Variants in ARMC2 observed in about 807,000 individuals in gnomAD.
ARMC2 encodes armadillo repeat-containing protein 2.
A neutral mutation model predicts 90.3 loss-of-function variants in ARMC2; 67 were observed. The observed-to-expected ratio is 0.74, with a 90% CI of 0.61 to 0.91. The LOEUF is 0.91. Ranked by LOEUF, ARMC2 falls within the 40% of genes least tolerant of loss-of-function variation. ARMC2 has a pLI of 0.00. For missense variants in ARMC2, 920 were observed against 1,030.9 expected (o/e 0.89, Z 1.47); for synonymous variants, 393 against 393.0 (o/e 1.00, Z 0.00).
At chr6:108,872,686 G>A (rs930814466) in intron 4 of ARMC2, among the ~76,000 whole-genome samples, 1 of 152,178 alleles carries the variant, frequency 6.6e-6, no homozygotes, top group Non-Finnish European at 1.5e-5. Flanking sequence ...TTTTCTGTGT[G>A]TTCCATAAAG....
chr6:109,007,394 A>G, the ARMC2 span, among the ~76,000 whole-genome samples: 7 of 152,234 alleles, frequency 4.6e-5, no homozygotes, highest in Middle Eastern at 3.2e-3. Flanking sequence ...GGCTTACAGT[A>G]TCTACCCACC....
At chr6:108,938,680 G>T (rs1368970777) in intron 12 of ARMC2, among the ~76,000 whole-genome samples, 1 of 116,276 alleles carries the variant, frequency 8.6e-6, no homozygotes, top group Admixed American at 1.2e-4. Context: ...TATTTGCCTT[G>T]CCATTAGAAT....
At chr6:108,937,123 T>A in intron 12 of ARMC2, 124 bp downstream of exon 12, 1 of 825,430 alleles carries the variant, frequency 1.2e-6, no homozygotes, top group Non-Finnish European at 1.9e-6. Flanking sequence ...ATTAAATGTA[T>A]AATGGGCTGT....
intron 12 of ARMC2, among the ~76,000 whole-genome samples, chr6:108,945,760 A>C (rs1776761079): frequency 6.6e-6 from 1 of 152,246 alleles, no homozygotes; most frequent in African/African-American, 2.4e-5. Context: ...CTGAAAGCAA[A>C]ACCACCTCCA....
chr6:108,849,254 G>C (rs1297477344), intron 1 of ARMC2, among the ~76,000 whole-genome samples: 2 of 152,136 alleles, frequency 1.3e-5, no homozygotes, highest in African/African-American at 4.8e-5. Flanking sequence ...ACTTTAATTT[G>C]GTTGAAAAGC....
At chr6:109,025,951 C>CT in the ARMC2 span, among the ~76,000 whole-genome samples, 13,982 of 145,538 alleles carry the variant, frequency 0.096, 834 homozygotes, top group Middle Eastern at 0.2. Context: ...CACCAATACT[C>CT]TTTTTTTTTT....
At chr6:109,030,122 C>T in the ARMC2 span, among the ~76,000 whole-genome samples, 1 of 152,184 alleles carries the variant, frequency 6.6e-6, no homozygotes, top group African/African-American at 2.4e-5. Context: ...TCTGCTTCCT[C>T]TGATTCTCCA....
At chr6:109,027,434 G>A in the ARMC2 span, among the ~76,000 whole-genome samples, 1,153 of 131,060 alleles carry the variant, frequency 8.8e-3, 16 homozygotes, top group African/African-American at 0.032. Context: ...CTGAGATCGC[G>A]CCACTGCACT....
At chr6:109,026,798 C>T in the ARMC2 span, among the ~76,000 whole-genome samples, 9 of 152,290 alleles carry the variant, frequency 5.9e-5, no homozygotes, top group African/African-American at 2.2e-4. Flanking sequence ...CCACTGCGCC[C>T]GGCCAGGTTT....
chr6:108,956,574 G>A (rs564193821), intron 13 of ARMC2, among the ~76,000 whole-genome samples: 28 of 151,220 alleles, frequency 1.9e-4, no homozygotes, highest in East Asian at 5.8e-4. Context: ...GGTGGGACAC[G>A]CCTGTGATCT....
intron 6 of ARMC2, among the ~76,000 whole-genome samples, chr6:108,896,526 G>A (rs1370545414): frequency 6.6e-6 from 1 of 152,182 alleles, no homozygotes; most frequent in Non-Finnish European, 1.5e-5. Context: ...TGAAGAGGTG[G>A]AAAGGCTGTA....
Position 108,854,510 on chromosome 6 carries a change from T to G in ARMC2, c.218+25T>G, listed in dbSNP as rs1034606925. 7 of 1,598,022 alleles carry G rather than the reference T, an allele frequency of 4.4e-6. No homozygotes were observed. The African/African-American group carries it at 9.4e-5, about 21-fold the overall frequency. ...GGTATATGGCATTTCACATTCATGT[T>G]CATTCAGATATTTAAGCACCAGGTT... On this transcript the variant is annotated intron_variant, in intron 2 of 17. Transcript: ENST00000392644.
chr6:108,937,069 A>G (rs1776015240), intron 12 of ARMC2, 70 bp downstream of exon 12: 6 of 1,317,910 alleles, frequency 4.6e-6, no homozygotes, highest in Non-Finnish European at 6.3e-6. Flanking sequence ...CCCATGTTAA[A>G]TGTCTTTATG....
In ARMC2 at chr6:108,899,606, G is replaced by A. The variant is rs538619141; in HGVS notation, c.749-88G>A. 1.9e-4 allele frequency: 172 copies of A among 897,602 alleles called. No homozygotes were observed. In the African/African-American group the frequency reaches 2.5e-3, roughly 13 times the overall value. 55.6% of individuals were successfully genotyped at this position (897,602 alleles called of 1,614,324 possible). On this transcript the variant is annotated intron_variant, in intron 6 of 17. Coordinates refer to ENST00000392644, the MANE Select transcript of ARMC2 (RefSeq NM_032131.6). Reference sequence around the variant, plus strand: ...AATTTAATTCTCTAGTTTATTAATTGTAGTGATGAATAGTAAAGGCTTTTG... The same window carrying A: ...AATTTAATTCTCTAGTTTATTAATTATAGTGATGAATAGTAAAGGCTTTTG...
intron 6 of ARMC2, among the ~76,000 whole-genome samples, chr6:108,895,510 C>T (rs1415507225): frequency 6.7e-6 from 1 of 148,806 alleles, no homozygotes; most frequent in Non-Finnish European, 1.5e-5. Flanking sequence ...AAGATAATTG[C>T]TCACTTAAAT....
chr6:108,904,518 T>G, intron 8 of ARMC2, 113 bp downstream of exon 8: 1 of 1,090,630 alleles, frequency 9.2e-7, no homozygotes, highest in Non-Finnish European at 1.2e-6. Context: ...TTGTTTAGAA[T>G]CTTGGAAAAA....
intron 1 of ARMC2, among the ~76,000 whole-genome samples, chr6:108,850,531 T>C (rs987947820): frequency 6.6e-6 from 1 of 152,138 alleles, no homozygotes; most frequent in African/African-American, 2.4e-5. Flanking sequence ...GTCACAACAT[T>C]GAGTCCTACT....
the ARMC2 span, among the ~76,000 whole-genome samples, chr6:109,006,154 T>C: frequency 6.6e-6 from 1 of 152,214 alleles, no homozygotes; most frequent in South Asian, 2.1e-4. Flanking sequence ...CATGAGTCTA[T>C]GATACTAAAG....
chr6:108,883,974 C>A (rs914967306), intron 5 of ARMC2, among the ~76,000 whole-genome samples: 2 of 151,978 alleles, frequency 1.3e-5, no homozygotes, highest in Non-Finnish European at 2.9e-5. Context: ...TTTTTAAAAT[C>A]TTCTTTGTAC....
Sources: gnomAD v4.1 joint callset for allele counts (sites outside exome capture counted in the v4.1 genomes callset) on GRCh38, gnomAD v4.1.1 for gene constraint, MANE v1.5 for transcripts, NCBI Gene and HGNC (gene_info 2026-07-23, HGNC 2026-07-21) for gene names.